The following ETV7 variants were observed in gnomAD, a reference collection of about 807,000 sequenced individuals.
The protein encoded by ETV7 is ETS variant transcription factor 7, also known as transcription factor ETV7.
Under a neutral mutation model 39.1 loss-of-function variants are expected in ETV7, and 43 were observed. The ratio of observed to expected loss-of-function variants is 1.10; its 90% CI spans 0.86 to 1.42. ETV7 has a LOEUF of 1.42. Among genes scored for constraint, ETV7 ranks in the 40% most tolerant of loss-of-function variants. ETV7 has a pLI of 0.00. For synonymous variants in ETV7, 196 were observed against 176.6 expected, an observed-to-expected ratio of 1.11 and a Z score of -0.87; for missense variants, 432 against 442.3, an observed-to-expected ratio of 0.98 and a Z score of 0.21.
At position 36,371,331 on chromosome 6, in the gene ETV7, A is replaced by G. The variant is rs781258585; in HGVS notation, c.663T>C (p.Ala221=). The stretch of plus-strand genomic sequence containing the variant: ...CCAGAGGAACAGCCTCCCACTCACC[A>G]GCGATCCTGCCGTCAATGGGGGCCT... The part of the protein sequence containing the change: ...MPQAPIDGRI[A]DCRLLWDYVY... The change falls in exon 5 of 8, where the codon GCT becomes GCC. Residue 221 remains alanine, a splice_region_variant and synonymous_variant. Transcript: ENST00000340181. The G allele has an allele frequency of 3.8e-6, 6 of 1,581,008 alleles. No homozygotes were observed. Among genetic ancestry groups the G allele is most frequent in the Non-Finnish European group, 5.2e-6 (6 of 1,162,344 alleles).
chr6:36,375,778 C>T (rs1477134279), intron 3 of ETV7, 93 bp downstream of exon 3: 4 of 1,587,600 alleles, frequency 2.5e-6, no homozygotes, highest in African/African-American at 1.3e-5. Flanking sequence ...AGGAAGACCC[C>T]TCCATCTCCC....
chr6:36,369,219 A>C, intron 5 of ETV7, 148 bp from the exon 6 acceptor site: 2 of 825,396 alleles, frequency 2.4e-6, no homozygotes, highest in Non-Finnish European at 3.8e-6. Flanking sequence ...AGAAACAGCC[A>C]CTAATGGGGC....
At chr6:36,360,764 C>A (rs972852514) in intron 7 of ETV7, among the ~76,000 whole-genome samples, 1 of 152,128 alleles carries the variant, frequency 6.6e-6, no homozygotes, top group African/African-American at 2.4e-5. Flanking sequence ...TCTCCCTGAC[C>A]CCCTCAAGGA....
At chr6:36,368,854 G>A (rs760150135) in intron 6 of ETV7, 75 bp downstream of exon 6, 73 of 1,594,670 alleles carry the variant, frequency 4.6e-5, no homozygotes, top group Non-Finnish European at 5.8e-5. Flanking sequence ...GTCCCATAGT[G>A]CTAGGGGTCC....
At chr6:36,385,496 CT>C in intron 2 of ETV7, 37 bp downstream of exon 2, 1 of 1,613,382 alleles carries the variant, frequency 6.2e-7, no homozygotes. Context: ...TAAAAATTTA[CT>C]TTTAAAAACT....
intron 2 of ETV7, 128 bp downstream of exon 2, chr6:36,385,406 A>AGG: frequency 3.6e-6 from 4 of 1,118,266 alleles, no homozygotes; most frequent in Non-Finnish European, 5.2e-6. Context: ...CTGGAAGTTG[A>AGG]AGGTGCAGTG....
intron 5 of ETV7, among the ~76,000 whole-genome samples, chr6:36,371,006 C>G (rs756296614): frequency 1.3e-5 from 2 of 152,200 alleles, no homozygotes; most frequent in African/African-American, 2.4e-5. Flanking sequence ...GGAACCACGC[C>G]TGGCACATAG....
rs887985600 is a variant in ETV7, at chr6:36,371,708, A to G, written c.434-148T>C. 25 of 720,230 alleles carry G rather than the reference A, an allele frequency of 3.5e-5. No homozygotes were observed. In the South Asian group the frequency reaches 3.6e-4, roughly 10 times the overall value. 44.6% of individuals were successfully genotyped at this position (720,230 alleles called of 1,614,324 possible). On this transcript the variant is annotated intron_variant, in intron 4 of 7. Transcript: ENST00000340181. The stretch of plus-strand genomic sequence containing the variant: ...CCCCTGGTTAGAAGGTCAGGGAGGC[A>G]GTGGGGGGCAGTGGGTGAGGGCCAG...
At chr6:36,358,352 G>A (rs907596402) in intron 7 of ETV7, among the ~76,000 whole-genome samples, 11 of 152,236 alleles carry the variant, frequency 7.2e-5, no homozygotes, top group Non-Finnish European at 1.5e-4. Flanking sequence ...GCTGGCTCTA[G>A]TTCAGGTCTC....
exon 8 of ETV7, chr6:36,354,605 T>A: frequency 2.9e-6 from 2 of 690,626 alleles, no homozygotes; most frequent in South Asian, 3.1e-5. Flanking sequence ...TCCTCCAACT[T>A]TGTTTTTCTT....
intron 2 of ETV7, among the ~76,000 whole-genome samples, chr6:36,383,417 A>G (rs1773747329): frequency 6.6e-6 from 1 of 152,218 alleles, no homozygotes; most frequent in Non-Finnish European, 1.5e-5. Flanking sequence ...AAAAAAAGTG[A>G]GCTCTACAGG....
chr6:36,385,699 G>A, intron 1 of ETV7, 30 bp from the exon 2 acceptor site: 1 of 1,572,072 alleles, frequency 6.4e-7, no homozygotes, highest in Non-Finnish European at 8.6e-7. Context: ...GACAGTCAAA[G>A]AAGAGCATCT....
At chr6:36,374,777 C>T (rs1401956093) in intron 3 of ETV7, among the ~76,000 whole-genome samples, 4 of 152,188 alleles carry the variant, frequency 2.6e-5, no homozygotes, top group African/African-American at 9.6e-5. Context: ...GGTGATAGAA[C>T]TTGGGATGTC....
At chr6:36,387,392 G>A in intron 1 of ETV7, 144 bp downstream of exon 1, 3 of 1,195,586 alleles carry the variant, frequency 2.5e-6, no homozygotes, top group East Asian at 2.3e-5. Context: ...GGATGGATGT[G>A]AGGTTTAGGA....
At chr6:36,356,323 C>CAAAAAA (rs59649348) in intron 7 of ETV7, among the ~76,000 whole-genome samples, 21 of 77,630 alleles carry the variant, frequency 2.7e-4, no homozygotes, top group South Asian at 4.1e-4. Context: ...GACCCTGTCT[C>CAAAAAA]AAAAAAAAAA....
intron 7 of ETV7, chr6:36,354,836 C>T (rs1772297250): frequency 1.9e-6 from 1 of 522,862 alleles, no homozygotes; most frequent in Non-Finnish European, 3.4e-6. Flanking sequence ...TTCAACAATG[C>T]TTTGTAGTTT....
intron 2 of ETV7, among the ~76,000 whole-genome samples, chr6:36,379,560 A>AAGAAG (rs1554148816): frequency 7.0e-6 from 1 of 143,808 alleles, no homozygotes; most frequent in African/African-American, 2.6e-5. Context: ...AAAAAAAAAA[A>AAGAAG]AAGAAGAAGA....
chr6:36,366,777 C>G lies in ETV7; in HGVS notation c.909-15G>C. Reference sequence around the variant, plus strand: ...TCTTTAGAAATCTAGAATTCAGGCCCCAACTGCAAATCAGCTCCTGCCCCA... The same window carrying G: ...TCTTTAGAAATCTAGAATTCAGGCCGCAACTGCAAATCAGCTCCTGCCCCA... On this transcript the variant is annotated splice_polypyrimidine_tract_variant and intron_variant, in intron 7 of 7. Transcript: ENST00000340181. 1.2e-6 allele frequency: 2 copies of G among 1,614,012 alleles called. No homozygotes were observed. Among genetic ancestry groups the G allele is most frequent in the Non-Finnish European group, 1.7e-6 (2 of 1,179,968 alleles).
intron 4 of ETV7, among the ~76,000 whole-genome samples, chr6:36,373,209 T>A (rs1404909506): frequency 6.6e-6 from 1 of 151,456 alleles, no homozygotes; most frequent in Non-Finnish European, 1.5e-5. Context: ...AGAGAGGAAA[T>A]TGAGACATGA....
Sources: gnomAD v4.1 joint callset for allele counts (sites outside exome capture counted in the v4.1 genomes callset) on GRCh38, gnomAD v4.1.1 for gene constraint, MANE v1.5 for transcripts, NCBI Gene and HGNC (gene_info 2026-07-23, HGNC 2026-07-21) for gene names.